The following ZNF709 variants were observed in gnomAD, a reference collection of about 807,000 sequenced individuals.
The protein encoded by ZNF709 is zinc finger protein 709.
Under a neutral mutation model 10.6 loss-of-function variants are expected in ZNF709, and 15 were observed. The ratio of observed to expected loss-of-function variants is 1.41; its 90% CI spans 0.95 to 2.18. ZNF709 has a LOEUF of 2.18. Ranked by LOEUF, ZNF709 falls within the 30% of genes most tolerant of loss-of-function variation. ZNF709 has a pLI of 0.00. For synonymous variants in ZNF709, 194 were observed against 238.8 expected, an observed-to-expected ratio of 0.81 and a Z score of 1.73; for missense variants, 589 against 774.0, an observed-to-expected ratio of 0.76 and a Z score of 2.84.
At position 12,484,748 on chromosome 19, in the gene ZNF709, A is replaced by T; in HGVS notation, c.-91T>A. On this transcript the variant is annotated 5_prime_UTR_variant, in exon 1 of 4. Coordinates refer to ENST00000397732, the MANE Select transcript of ZNF709 (RefSeq NM_152601.4). ...CCACCTGAGGCCCTTCCTCCACCTG[A>T]GGGCCTTCTGGGGTGAGGAGACCCC... 2 of 1,585,034 alleles carry T rather than the reference A, an allele frequency of 1.3e-6. No homozygotes were observed. Among genetic ancestry groups the T allele is most frequent in the South Asian group, 1.1e-5 (1 of 90,218 alleles).
chr19:12,477,626 T>G (rs1970687637), intron 1 of ZNF709, among the ~76,000 whole-genome samples: 1 of 152,200 alleles, frequency 6.6e-6, no homozygotes, highest in Non-Finnish European at 1.5e-5. Flanking sequence ...GCCCTTGTAT[T>G]GGCTAATCCT....
At chr19:12,467,412 T>G (rs893594976) in intron 1 of ZNF709, among the ~76,000 whole-genome samples, 11 of 152,182 alleles carry the variant, frequency 7.2e-5, no homozygotes, top group African/African-American at 7.2e-5. Flanking sequence ...CGAGGTGCCG[T>G]GATTGCAGAC....
chr19:12,466,891 G>A, intron 1 of ZNF709, 41 bp from the exon 2 acceptor site: 1 of 1,595,756 alleles, frequency 6.3e-7, no homozygotes, highest in Non-Finnish European at 8.5e-7. Flanking sequence ...GGGTGAGACT[G>A]ACAGCACTGG....
chr19:12,470,475 G>A (rs1970625999), intron 1 of ZNF709, among the ~76,000 whole-genome samples: 1 of 152,164 alleles, frequency 6.6e-6, no homozygotes. Context: ...TTAGTAAAAT[G>A]TTAACCTAAG....
chr19:12,468,494 A>T (rs1377626281), intron 1 of ZNF709, among the ~76,000 whole-genome samples: 1 of 151,822 alleles, frequency 6.6e-6, no homozygotes, highest in East Asian at 1.9e-4. Context: ...GCTTGAAGGC[A>T]GCATGCTCGT....
At chr19:12,468,936 G>T (rs1195413474) in intron 1 of ZNF709, among the ~76,000 whole-genome samples, 1 of 151,966 alleles carries the variant, frequency 6.6e-6, no homozygotes, top group African/African-American at 2.4e-5. Flanking sequence ...TGCCTCCCGG[G>T]TTCACGCCAT....
rs986590057 is a variant in ZNF709, at chr19:12,472,997, C to A, written c.4-6147G>T. On this transcript the variant is annotated intron_variant, in intron 1 of 3. Coordinates refer to ENST00000397732, the MANE Select transcript of ZNF709 (RefSeq NM_152601.4). ...GACAAAAATCAGTCAATTAGCTACT[C>A]CCAAGTATTGATGACCACTGCCAAT... Among the ~76,000 whole-genome samples, 3 of 152,160 alleles carry A rather than the reference C, an allele frequency of 2.0e-5. 1 individual carries two copies. The highest frequency in any genetic ancestry group is 2.0e-4 in the Admixed American group (3 of 15,276).
In ZNF709 at chr19:12,484,647, A is replaced by C. The variant is rs557981475; in HGVS notation, c.3+8T>G. 13 of 1,613,238 alleles carry C rather than the reference A, an allele frequency of 8.1e-6. No individual in the cohort carries two copies. The East Asian group carries it at 2.7e-4, about 33-fold the overall frequency. On this transcript the variant is annotated splice_region_variant and intron_variant, in intron 1 of 3. Transcript: ENST00000397732. ...CCCATCTCAAGACCCCCAGCCCCGCACACTTACCATTTCCCAGACTCTGGG... is the reference window on the plus strand; with the variant it reads ...CCCATCTCAAGACCCCCAGCCCCGCCCACTTACCATTTCCCAGACTCTGGG...
Position 12,465,309 on chromosome 19 carries a change from A to C in ZNF709, c.613T>G (p.Phe205Val). 2.5e-6 allele frequency: 4 copies of C among 1,612,356 alleles called. No individual in the cohort carries two copies. Among genetic ancestry groups the C allele is most frequent in the Non-Finnish European group, 3.4e-6 (4 of 1,179,382 alleles). Reference sequence around the variant, plus strand: ...CCTCGAAAGGTTGTGTGATAAATGAAGGCCTTCCCACATTCCTTACATTCA... The same window carrying C: ...CCTCGAAAGGTTGTGTGATAAATGACGGCCTTCCCACATTCCTTACATTCA... ...PYECKECGKAFIYHTTFRGHM... is the reference protein window; with the variant it reads ...PYECKECGKAVIYHTTFRGHM... Residue 205 changes from phenylalanine to valine, a missense_variant, in exon 4 of 4, where the codon TTC becomes GTC. Physicochemically the swap from Phe to Val is conservative, Grantham distance 50. Transcript: ENST00000397732.
chr19:12,481,050 C>T, intron 1 of ZNF709: 1 of 467,664 alleles, frequency 2.1e-6, no homozygotes, highest in Non-Finnish European at 2.8e-6. Flanking sequence ...TCCCAAAGTG[C>T]TGGGATTACA....
intron 1 of ZNF709, among the ~76,000 whole-genome samples, chr19:12,472,679 T>C (rs1392795529): frequency 5.9e-5 from 9 of 152,078 alleles, no homozygotes; most frequent in Admixed American, 5.9e-4. Flanking sequence ...GGTTAGAAGT[T>C]TGAGACCAGC....
intron 1 of ZNF709, among the ~76,000 whole-genome samples, chr19:12,470,488 T>G (rs1970626114): frequency 6.6e-6 from 1 of 152,194 alleles, no homozygotes; most frequent in Admixed American, 6.5e-5. Context: ...AACCTAAGAC[T>G]ACTTATCTTT....
chr19:12,477,474 T>C (rs1970686509), intron 1 of ZNF709, among the ~76,000 whole-genome samples: 1 of 152,158 alleles, frequency 6.6e-6, no homozygotes, highest in Admixed American at 6.5e-5. Flanking sequence ...GCCATGAACA[T>C]GGGGAATTTA....
Position 12,465,651 on chromosome 19 carries a change from G to C in ZNF709, c.271C>G (p.Pro91Ala), listed in dbSNP as rs749797361. 6.2e-7 allele frequency: 1 copy of C among 1,612,960 alleles called. No individual in the cohort carries two copies. The highest frequency in any genetic ancestry group is 2.2e-5 in the East Asian group (1 of 44,800). Residue 91 changes from proline (P) to alanine (A), a missense_variant, in exon 4 of 4, where the codon CCA (proline) becomes GCA (alanine). Coordinates refer to ENST00000397732, the MANE Select transcript of ZNF709 (RefSeq NM_152601.4). Reference protein sequence around the residue: ...ETISQTPNPKPNKKTFTRVKP... With the variant: ...ETISQTPNPKANKKTFTRVKP... ...ACTCTAGTAAAAGTTTTCTTGTTTG[G>C]TTTAGGATTTGGAGTCTGACTGATG...
intron 1 of ZNF709, among the ~76,000 whole-genome samples, chr19:12,477,608 T>A (rs1568248738): frequency 6.6e-6 from 1 of 152,222 alleles, no homozygotes; most frequent in African/African-American, 2.4e-5. Flanking sequence ...GGTATAACCA[T>A]AATTTGAGCC....
chr19:12,463,947 A>AAAAT lies in ZNF709; in HGVS notation c.*48_*49insATTT. On this transcript the variant is annotated 3_prime_UTR_variant, in exon 4 of 4. Coordinates refer to ENST00000397732, the MANE Select transcript of ZNF709 (RefSeq NM_152601.4). ...AACTCAAAAAAAAAAAAAAAAAAAA[A>AAAAT]GGAAATAGGACAACTGAAAACTTTG... is the stretch of plus-strand genomic sequence containing the variant. The AAAAT allele has an allele frequency of 3.3e-6, 4 of 1,216,150 alleles. No homozygotes were observed. The highest frequency in any genetic ancestry group is 3.3e-6 in the Non-Finnish European group (3 of 919,294). The allele number at this position is 1,216,150 out of a possible 1,614,324, so 75.3% of individuals were successfully genotyped here. A position where few individuals can be genotyped will look rare whatever the true frequency, so the allele number is the denominator to read the frequency against.
Position 12,474,754 on chromosome 19 carries a change from T to G in ZNF709, c.4-7904A>C, listed in dbSNP as rs566060003. Among the ~76,000 whole-genome samples, 6 of 152,286 alleles carry G rather than the reference T, an allele frequency of 3.9e-5. No homozygotes were observed. The South Asian group carries it at 1.0e-3, about 26-fold the overall frequency. ...GATGTCAAGAGAGTGGGACAATACATTCAAAGTGTTAAGCTAATTAGCAAC... is the reference window on the plus strand; with the variant it reads ...GATGTCAAGAGAGTGGGACAATACAGTCAAAGTGTTAAGCTAATTAGCAAC... On this transcript the variant is annotated intron_variant, in intron 1 of 3. Coordinates refer to ENST00000397732, the MANE Select transcript of ZNF709 (RefSeq NM_152601.4).
At position 12,464,608 on chromosome 19, in the gene ZNF709, A is replaced by G. The variant is rs763554362; in HGVS notation, c.1314T>C (p.His438=). 3.1e-6 allele frequency: 5 copies of G among 1,612,470 alleles called. No homozygotes were observed. The South Asian group carries it at 3.3e-5, about 11-fold the overall frequency. Residue 438 remains histidine (H), a synonymous_variant, in exon 4 of 4, where the codon CAT becomes CAC. Transcript: ENST00000397732. ...AFSCSSSVRI[H]ERTHTGEKPY... is the part of the protein sequence containing the mutation. ...GTTTCTCTCCAGTGTGAGTCCTTTC[A>G]TGTATTCGAACAGAACTGGAACAAC...
At chr19:12,474,457 G>T (rs1970660764) in intron 1 of ZNF709, among the ~76,000 whole-genome samples, 1 of 152,058 alleles carries the variant, frequency 6.6e-6, no homozygotes, top group African/African-American at 2.4e-5. Context: ...TACATATCTT[G>T]GCTGTTGTGA....
Sources: gnomAD v4.1 joint callset for allele counts (sites outside exome capture counted in the v4.1 genomes callset) on GRCh38, gnomAD v4.1.1 for gene constraint, MANE v1.5 for transcripts, NCBI Gene and HGNC (gene_info 2026-07-23, HGNC 2026-07-21) for gene names.